The following PUS7L variants were observed in gnomAD, a reference collection of about 807,000 sequenced individuals.
The protein encoded by PUS7L is pseudouridine synthase 7 like, also known as pseudouridylate synthase PUS7L.
A neutral mutation model predicts 51.1 loss-of-function variants in PUS7L; 49 were observed. That is an observed-to-expected ratio of 0.96 (90% CI 0.76 to 1.22). The LOEUF is 1.22. Ranked by LOEUF, PUS7L falls within the 50% of genes most tolerant of loss-of-function variation. The pLI is 0.00. For synonymous variants in PUS7L, 277 were observed against 276.2 expected, an observed-to-expected ratio of 1.00 and a Z score of -0.03; for missense variants, 828 against 820.6, an observed-to-expected ratio of 1.01 and a Z score of -0.11.
At chr12:43,758,589 C>G in intron 1 of PUS7L, 141 bp downstream of exon 1, 1 of 983,654 alleles carries the variant, frequency 1.0e-6, no homozygotes, top group Non-Finnish European at 1.2e-6. Context: ...TCCAAAGGCA[C>G]GACACTAGTC....
At chr12:43,754,259 G>A (rs777979851) in intron 2 of PUS7L, 77 bp downstream of exon 2, 5 of 1,008,322 alleles carry the variant, frequency 5.0e-6, no homozygotes, top group Non-Finnish European at 7.4e-6. Flanking sequence ...CTCTAGCCAA[G>A]TCTGTTCAAT....
rs1343635717 is a variant in PUS7L at position 43,746,197 on chromosome 12, T to C, written c.1112A>G (p.Asn371Ser). 5.5e-6 allele frequency: 8 copies of C among 1,446,616 alleles called. No individual in the cohort carries two copies. Among genetic ancestry groups the C allele is most frequent in the Non-Finnish European group, 6.6e-6 (7 of 1,053,646 alleles). The allele number at this position is 1,446,616 out of a possible 1,614,324, so 89.6% of individuals were successfully genotyped here. The change falls in exon 4 of 9, where the codon AAT becomes AGT. Residue 371 changes from asparagine (N) to serine (S), a missense_variant. Asn to Ser is a conservative substitution (Grantham distance 46, BLOSUM62 1). Transcript: ENST00000344862. ...IEKEIEKKRM[N>S]VFNIRSVDDS... ...ATCTACAGACCGAATATTAAAGACA[T>C]TCATTCTTTTCTTTTCAATTTCTTT...
chr12:43,743,957 A>C (rs1938039810), intron 4 of PUS7L, among the ~76,000 whole-genome samples: 1 of 152,174 alleles, frequency 6.6e-6, no homozygotes. Flanking sequence ...CTTGAAACAA[A>C]ACTTCAAAGA....
Position 43,738,356 on chromosome 12 carries a change from G to C in PUS7L, c.1398C>G (p.Asp466Glu), listed in dbSNP as rs762330942. ...KAIKLFLTPE[D>E]LDDPVNRAKK... ...TTGCTCTATTTACAGGATCATCCAA[G>C]TCTTCTGGTGTAAGAAACAATTTTA... The change falls in exon 6 of 9, where the codon GAC (aspartate) becomes GAG (glutamate). Residue 466 changes from aspartate (D) to glutamate (E), a missense_variant. Asp to Glu is a conservative substitution (Grantham distance 45). Transcript: ENST00000344862. The C allele has an allele frequency of 2.5e-6, 4 of 1,595,666 alleles. No homozygotes were observed. In the African/African-American group the frequency reaches 5.4e-5, roughly 21 times the overall value.
rs1944396783 is a variant in PUS7L at position 43,721,529 on chromosome 12, T to C, written c.*8847A>G. 6.6e-6 allele frequency: 1 copy of C among 152,190 alleles called. No individual in the cohort carries two copies. Among genetic ancestry groups the C allele is most frequent in the Non-Finnish European group, 1.5e-5 (1 of 68,024 alleles). 9.4% of individuals were successfully genotyped at this position (152,190 alleles called of 1,614,324 possible). A position where few individuals can be genotyped will look rare whatever the true frequency, so the allele number is the denominator to read the frequency against. The stretch of plus-strand genomic sequence containing the variant: ...GCTAAGGTATATTTGCAGTATTCAC[T>C]CAGCATTTTTAACCCTGTTATATGT... On this transcript the variant is annotated 3_prime_UTR_variant, in exon 9 of 9. Transcript: ENST00000344862.
chr12:43,726,364 C>G lies in PUS7L; in HGVS notation c.*4012G>C, dbSNP rs892116902. On this transcript the variant is annotated 3_prime_UTR_variant, in exon 9 of 9. Coordinates refer to ENST00000344862, the MANE Select transcript of PUS7L (RefSeq NM_031292.5). ...CACATCCTGAGGATTGAAACTGGAC[C>G]CCTTCTTTTTACCATATACAAAAAT... The G allele has an allele frequency of 6.6e-6, 1 of 152,072 alleles. No homozygotes were observed. The highest frequency in any genetic ancestry group is 1.5e-5 in the Non-Finnish European group (1 of 68,010). The allele number at this position is 152,072 out of a possible 1,614,324, so 9.4% of individuals were successfully genotyped here. A position where few individuals can be genotyped will look rare whatever the true frequency, so the allele number is the denominator to read the frequency against.
At chr12:43,731,282 T>C (rs948631118) in intron 8 of PUS7L, among the ~76,000 whole-genome samples, 2 of 152,162 alleles carry the variant, frequency 1.3e-5, no homozygotes, top group Non-Finnish European at 2.9e-5. Context: ...AAAATTCAAA[T>C]ATACACAATA....
In PUS7L at chr12:43,745,414, C is replaced by T. The variant is rs77825763; in HGVS notation, c.1263+632G>A. ...AATCATAGAGGTTGTTACTCCCATG[C>T]TATTCTCATGATAGCGAGTGAGTTC... On this transcript the variant is annotated intron_variant, in intron 4 of 8. Coordinates refer to ENST00000344862, the MANE Select transcript of PUS7L (RefSeq NM_031292.5). Among the ~76,000 whole-genome samples the T allele has an allele frequency of 3.2e-3, 483 of 152,300 alleles. 23 individuals carry two copies. In the East Asian group the frequency reaches 0.082, roughly 26 times the overall value.
chr12:43,736,782 T>A (rs1445198656), intron 6 of PUS7L, 121 bp from the exon 7 acceptor site: 2 of 825,636 alleles, frequency 2.4e-6, no homozygotes, highest in Non-Finnish European at 3.8e-6. Context: ...TATTCAACAC[T>A]TTCAGTTAAA....
rs767074631 is a variant in PUS7L at position 43,730,362 on chromosome 12, C to G, written c.*14G>C. The stretch of plus-strand genomic sequence containing the variant: ...AAGAGTGACATATATATGGTTATAC[C>G]AAGGGTATCAGTTTTAAACGTCATG... On this transcript the variant is annotated 3_prime_UTR_variant, in exon 9 of 9. Coordinates refer to ENST00000344862, the MANE Select transcript of PUS7L (RefSeq NM_031292.5). 1 of 1,601,798 alleles carries G rather than the reference C, an allele frequency of 6.2e-7. No homozygotes were observed. Among genetic ancestry groups the G allele is most frequent in the Non-Finnish European group, 8.5e-7 (1 of 1,170,350 alleles).
chr12:43,744,896 G>A (rs1938090908), intron 4 of PUS7L, among the ~76,000 whole-genome samples: 1 of 152,162 alleles, frequency 6.6e-6, no homozygotes, highest in Admixed American at 6.5e-5. Context: ...ATTGGTTCAG[G>A]AGTAGATATC....
In PUS7L at chr12:43,758,280, A is replaced by T. The variant is rs1481182926; in HGVS notation, c.-17+450T>A. 6 of 982,198 alleles carry T rather than the reference A, an allele frequency of 6.1e-6. No individual in the cohort carries two copies. The African/African-American group carries it at 1.0e-4, about 17-fold the overall frequency. The allele number at this position is 982,198 out of a possible 1,614,324, so 60.8% of individuals were successfully genotyped here. A position where few individuals can be genotyped will look rare whatever the true frequency, so the allele number is the denominator to read the frequency against. ...TCCAGCATCCTGGTAGAAGAGTGGA[A>T]CTGACCTGGAGGACAGCAAAGGAGC... On this transcript the variant is annotated intron_variant, in intron 1 of 8. Coordinates refer to ENST00000344862, the MANE Select transcript of PUS7L (RefSeq NM_031292.5).
chr12:43,732,137 G>A (rs577021012), intron 7 of PUS7L, among the ~76,000 whole-genome samples: 234 of 151,062 alleles, frequency 1.5e-3, no homozygotes, highest in African/African-American at 2.1e-3. Flanking sequence ...TCTGTCCCCC[G>A]AAAATATAAT....
At position 43,727,254 on chromosome 12, in the gene PUS7L, A is replaced by G. The variant is rs1006109745; in HGVS notation, c.*3122T>C. ...TGCTGATGGGAATATAAATTAGTTC[A>G]GCCTCTGTGGAAAGCAGTTTGAAGA... is the stretch of plus-strand genomic sequence containing the variant. On this transcript the variant is annotated 3_prime_UTR_variant, in exon 9 of 9. Transcript: ENST00000344862. 6.6e-6 allele frequency: 1 copy of G among 152,226 alleles called. No homozygotes were observed. The highest frequency in any genetic ancestry group is 1.5e-5 in the Non-Finnish European group (1 of 68,034). 9.4% of individuals were successfully genotyped at this position (152,226 alleles called of 1,614,324 possible). A position where few individuals can be genotyped will look rare whatever the true frequency, so the allele number is the denominator to read the frequency against.
chr12:43,758,665 C>A lies in PUS7L; in HGVS notation c.-17+65G>T, dbSNP rs1345294623. The A allele has an allele frequency of 2.9e-3, 1,633 of 562,788 alleles. 14 individuals are homozygous for A. Among genetic ancestry groups the A allele is most frequent in the South Asian group, 8.0e-3 (89 of 11,130 alleles). 34.9% of individuals were successfully genotyped at this position (562,788 alleles called of 1,614,324 possible). A position where few individuals can be genotyped will look rare whatever the true frequency, so the allele number is the denominator to read the frequency against. ...ATGCCAACCTCGTCACCCCCCCCCC[C>A]CACACACACACACACACACACACAT... is the stretch of plus-strand genomic sequence containing the variant. On this transcript the variant is annotated intron_variant, in intron 1 of 8. Coordinates refer to ENST00000344862, the MANE Select transcript of PUS7L (RefSeq NM_031292.5).
At chr12:43,753,259 A>T (rs2137756709) in intron 2 of PUS7L, among the ~76,000 whole-genome samples, 1 of 152,340 alleles carries the variant, frequency 6.6e-6, no homozygotes, top group South Asian at 2.1e-4. Context: ...ATTGTGAGTC[A>T]GGCTTTCCTA....
At chr12:43,737,114 G>C (rs1937647659) in intron 6 of PUS7L, among the ~76,000 whole-genome samples, 1 of 152,146 alleles carries the variant, frequency 6.6e-6, no homozygotes, top group African/African-American at 2.4e-5. Flanking sequence ...GAGCCTTCAG[G>C]CACACTATTA....
In PUS7L at chr12:43,729,362, T is replaced by C; in HGVS notation, c.*1014A>G. On this transcript the variant is annotated 3_prime_UTR_variant, in exon 9 of 9. Coordinates refer to ENST00000344862, the MANE Select transcript of PUS7L (RefSeq NM_031292.5). ...ATAATGCTCCATACTGCTTTTTAAATTTCATCATTATATCTTACCAACAAT... is the reference window on the plus strand; with the variant it reads ...ATAATGCTCCATACTGCTTTTTAAACTTCATCATTATATCTTACCAACAAT... 2.6e-6 allele frequency: 1 copy of C among 390,000 alleles called. No individual in the cohort carries two copies. The highest frequency in any genetic ancestry group is 4.5e-6 in the Non-Finnish European group (1 of 220,502). 24.2% of individuals were successfully genotyped at this position (390,000 alleles called of 1,614,324 possible).
chr12:43,742,709 T>A, intron 4 of PUS7L, 154 bp from the exon 5 acceptor site: 2 of 921,810 alleles, frequency 2.2e-6, no homozygotes, highest in Non-Finnish European at 2.6e-6. Context: ...AAAAATGCTG[T>A]AAATTAAAGA....
Sources: gnomAD v4.1 joint callset for allele counts (sites outside exome capture counted in the v4.1 genomes callset) on GRCh38, gnomAD v4.1.1 for gene constraint, MANE v1.5 for transcripts, NCBI Gene and HGNC (gene_info 2026-07-23, HGNC 2026-07-21) for gene names.